The following TRPM1 variants were observed in gnomAD, a reference collection of about 807,000 sequenced individuals.
TRPM1 encodes the protein TRPM1-203 APA Isoform, Intron 10.
TRPM1 carries 113 observed loss-of-function variants against 149.4 expected under a neutral mutation model. The ratio of observed to expected loss-of-function variants is 0.76; its 90% CI spans 0.65 to 0.88. The LOEUF (loss-of-function observed/expected upper bound fraction) is 0.88, where lower values mean the gene tolerates loss of function less well. TRPM1 is among the 40% of genes least tolerant of loss of function. TRPM1 has a pLI of 0.00. For synonymous variants in TRPM1, 741 were observed against 759.5 expected (o/e 0.98, Z 0.40); for missense variants, 1,976 against 2,038.7 (o/e 0.97, Z 0.59).
In TRPM1 at chr15:31,001,515, G is replaced by A. The variant is rs1277872484; in HGVS notation, c.*307C>T. On this transcript the variant is annotated 3_prime_UTR_variant, in exon 28 of 28. Transcript: ENST00000256552. Reference sequence around the variant, plus strand: ...CTAATGGTGACTTCAGTGCTCGAGGGCACTTCCTAGGCTATTTGGTGGCCC... The same window carrying A: ...CTAATGGTGACTTCAGTGCTCGAGGACACTTCCTAGGCTATTTGGTGGCCC... The A allele has an allele frequency of 2.7e-6, 1 of 377,128 alleles. No individual in the cohort carries two copies. Among genetic ancestry groups the A allele is most frequent in the African/African-American group, 2.1e-5 (1 of 47,676 alleles). The allele number at this position is 377,128 out of a possible 1,614,324, so 23.4% of individuals were successfully genotyped here. A position where few individuals can be genotyped will look rare whatever the true frequency, so the allele number is the denominator to read the frequency against.
chr15:31,113,590 G>C (rs560293223), intron 1 of TRPM1, among the ~76,000 whole-genome samples: 43 of 152,170 alleles, frequency 2.8e-4, no homozygotes, highest in African/African-American at 8.9e-4. Flanking sequence ...TACAACTGCA[G>C]GTTTGTTACA....
chr15:31,017,853 A>T (rs2032419917), intron 27 of TRPM1, among the ~76,000 whole-genome samples: 1 of 152,178 alleles, frequency 6.6e-6, no homozygotes, highest in Non-Finnish European at 1.5e-5. Flanking sequence ...TTAACTTCCA[A>T]GAGAATACCT....
chr15:31,067,302 G>A, intron 5 of TRPM1, 115 bp from the exon 6 acceptor site: 1 of 1,433,534 alleles, frequency 7.0e-7, no homozygotes, highest in Non-Finnish European at 9.8e-7. Context: ...TCAGGGGTGA[G>A]ACACACTCAT....
chr15:31,067,420 T>C (rs1233329425), intron 5 of TRPM1, among the ~76,000 whole-genome samples: 2 of 152,202 alleles, frequency 1.3e-5, no homozygotes, highest in Non-Finnish European at 2.9e-5. Context: ...AGCAACTGTG[T>C]AGGGATTTCC....
intron 1 of TRPM1, among the ~76,000 whole-genome samples, chr15:31,113,713 T>C (rs914060233): frequency 6.6e-6 from 1 of 152,154 alleles, no homozygotes; most frequent in Non-Finnish European, 1.5e-5. Context: ...TTCATTCCGG[T>C]GGATTTCTGG....
chr15:31,108,702 C>G (rs2035642495), intron 1 of TRPM1, among the ~76,000 whole-genome samples: 1 of 152,160 alleles, frequency 6.6e-6, no homozygotes, highest in Admixed American at 6.5e-5. Flanking sequence ...CTGTGTTAGT[C>G]TGGCTGGTCT....
chr15:31,045,116 A>G (rs1281961358), intron 16 of TRPM1, among the ~76,000 whole-genome samples: 4 of 152,214 alleles, frequency 2.6e-5, no homozygotes, highest in Non-Finnish European at 5.9e-5. Context: ...AGAGAACAGG[A>G]GATCACAGAA....
At chr15:31,100,086 CTTT>C (rs1157034431) in intron 1 of TRPM1, among the ~76,000 whole-genome samples, 1 of 144,648 alleles carries the variant, frequency 6.9e-6, no homozygotes, top group Non-Finnish European at 1.5e-5. Context: ...TTCTTTCCTT[CTTT>C]TTTTTTTTTT....
Position 31,076,959 on chromosome 15 carries a change from GT to G in TRPM1, c.28del (p.Thr10ProfsTer10), listed in dbSNP as rs2034712430. The G allele has an allele frequency of 6.2e-7, 1 of 1,612,514 alleles. No homozygotes were observed. The highest frequency in any genetic ancestry group is 1.3e-5 in the African/African-American group (1 of 74,984). Reference sequence around the variant, plus strand: ...AAAGATACATTCCCGTTTGCAAAAGGTTTTCTCTATCCAAGATTTCTGACCC... The same window carrying G: ...AAAGATACATTCCCGTTTGCAAAAGGTTTCTCTATCCAAGATTTCTGACCC... MGQKSWIEKTFCKRECIFVI... is the reference protein window; with the variant it reads MGQKSWIEKXFCKRECIFVI... On this transcript the variant is annotated frameshift_variant, in exon 3 of 28. Transcript: ENST00000256552. LOFTEE classifies it high-confidence loss of function.
intron 27 of TRPM1, among the ~76,000 whole-genome samples, chr15:31,004,661 T>G (rs1432570849): frequency 1.3e-5 from 2 of 152,194 alleles, no homozygotes; most frequent in Admixed American, 1.3e-4. Context: ...TGAGAAGTCC[T>G]GGCTTCCTTT....
In TRPM1 at chr15:31,067,873, T is replaced by A; in HGVS notation, c.493+6A>T. On this transcript the variant is annotated splice_donor_region_variant and intron_variant, in intron 5 of 27. Transcript: ENST00000256552. ...GATTATCGGGAGGGAAAGGGCCTGC[T>A]CTTACCTGTGCTGACACCCCCGGTG... 6.2e-7 allele frequency: 1 copy of A among 1,612,378 alleles called. No homozygotes were observed. The highest frequency in any genetic ancestry group is 8.5e-7 in the Non-Finnish European group (1 of 1,179,820).
rs573567074 is a variant in TRPM1, at chr15:31,121,260, G to A, written c.54+39646C>T. On this transcript the variant is annotated intron_variant, in intron 1 of 26. Coordinates refer to the TRPM1 transcript ENST00000542188. Reference sequence around the variant, plus strand: ...AAAAAAAAAAGAAAGCTCTAAAACCGGTAATCTAAGTTTTCACCTTAGAAA... The same window carrying A: ...AAAAAAAAAAGAAAGCTCTAAAACCAGTAATCTAAGTTTTCACCTTAGAAA... 6.9e-4 allele frequency among the ~76,000 whole-genome samples: 101 copies of A among 146,596 alleles called. 1 individual carries two copies. Among genetic ancestry groups the A allele is most frequent in the African/African-American group, 2.2e-3 (86 of 39,820 alleles).
At chr15:31,025,141 A>G (rs997915653) in intron 27 of TRPM1, among the ~76,000 whole-genome samples, 1 of 152,194 alleles carries the variant, frequency 6.6e-6, no homozygotes, top group African/African-American at 2.4e-5. Flanking sequence ...ATGGCTCTCA[A>G]TGTGTCTGTT....
intron 1 of TRPM1, among the ~76,000 whole-genome samples, chr15:31,126,178 C>A (rs989755316): frequency 6.6e-6 from 1 of 151,964 alleles, no homozygotes; most frequent in African/African-American, 2.4e-5. Flanking sequence ...ACAAAATAAA[C>A]AGAGTAAAAA....
At chr15:31,132,290 A>G (rs946364503) in intron 1 of TRPM1, among the ~76,000 whole-genome samples, 4 of 152,180 alleles carry the variant, frequency 2.6e-5, no homozygotes, top group Non-Finnish European at 5.9e-5. Flanking sequence ...GAGGAGGTCC[A>G]TGGCCCGTTT....
intron 1 of TRPM1, among the ~76,000 whole-genome samples, chr15:31,100,504 G>A (rs529140302): frequency 6.6e-6 from 1 of 152,030 alleles, no homozygotes; most frequent in South Asian, 2.1e-4. Context: ...GCACAACTAT[G>A]ATGTACTAAT....
At chr15:31,020,606 C>T (rs149432092) in intron 27 of TRPM1, among the ~76,000 whole-genome samples, 194 of 152,372 alleles carry the variant, frequency 1.3e-3, no homozygotes, top group African/African-American at 4.3e-3. Flanking sequence ...AGTGAACTCA[C>T]TTGACTTGAA....
chr15:31,141,605 A>AT (rs35433363), intron 1 of TRPM1, among the ~76,000 whole-genome samples: 17 of 151,910 alleles, frequency 1.1e-4, no homozygotes, highest in African/African-American at 1.7e-4. Context: ...AGAGAAAGTA[A>AT]TTTTTTTTGT....
chr15:31,156,930 A>ATT lies in TRPM1; in HGVS notation c.54+3974_54+3975dup, dbSNP rs11398253. On this transcript the variant is annotated intron_variant, in intron 1 of 26. Coordinates refer to the TRPM1 transcript ENST00000542188. ...TTCTATAAATAGTGTACTTACATTT[A>ATT]TTTTTTTTTTTTTGAGATAGGGTCT... Among the ~76,000 whole-genome samples the ATT allele has an allele frequency of 9.1e-3, 1,342 of 147,510 alleles. 15 individuals are homozygous for ATT. Among genetic ancestry groups the ATT allele is most frequent in the African/African-American group, 0.028 (1,124 of 40,352 alleles).
Sources: allele counts gnomAD v4.1 joint callset (sites outside exome capture counted in the v4.1 genomes callset), GRCh38; gene constraint gnomAD v4.1.1; transcripts MANE v1.5; gene names NCBI Gene and HGNC (gene_info 2026-07-23, HGNC 2026-07-21).